The following ARL3 variants were observed in gnomAD, a reference collection of about 807,000 sequenced individuals.
ARL3 encodes the protein ADP-ribosylation factor-like protein 3.
ARL3 carries 9 observed loss-of-function variants against 26.0 expected under a neutral mutation model. The ratio of observed to expected loss-of-function variants is 0.35; its 90% CI spans 0.21 to 0.60. The LOEUF (loss-of-function observed/expected upper bound fraction) is 0.60. Ranked by LOEUF, ARL3 falls within the 20% of genes least tolerant of loss-of-function variation. The pLI is 0.78. For missense variants in ARL3, 158 were observed against 215.7 expected (o/e 0.73, Z 1.67); for synonymous variants, 71 against 78.4 (o/e 0.91, Z 0.50).
At chr10:102,705,562 T>A in intron 1 of ARL3, 73 bp from the exon 2 acceptor site, 1 of 1,375,222 alleles carries the variant, frequency 7.3e-7, no homozygotes, top group Non-Finnish European at 9.6e-7. Context: ...TGAGAATAAC[T>A]TCTCCTTGAA....
chr10:102,711,104 C>T (rs1040174692), intron 1 of ARL3, among the ~76,000 whole-genome samples: 10 of 152,170 alleles, frequency 6.6e-5, no homozygotes, highest in Admixed American at 2.0e-4. Context: ...CGTCTTTCAA[C>T]TGAACTCCTA....
chr10:102,707,572 A>G lies in ARL3; in HGVS notation c.4-2083T>C, dbSNP rs1013492452. Among the ~76,000 whole-genome samples, 33 of 152,224 alleles carry G rather than the reference A, an allele frequency of 2.2e-4. 1 individual carries two copies. Among genetic ancestry groups the G allele is most frequent in the African/African-American group, 8.0e-4 (33 of 41,474 alleles). On this transcript the variant is annotated intron_variant, in intron 1 of 5. Transcript: ENST00000260746. ...TGGTTGTATTTGTTATTCACATTGT[A>G]CCAGGCAATAATTCAAACCAGTTTG...
intron 4 of ARL3, 36 bp downstream of exon 4, chr10:102,689,857 T>A: frequency 7.4e-7 from 1 of 1,353,170 alleles, no homozygotes; most frequent in Non-Finnish European, 1.0e-6. Flanking sequence ...TACATATATA[T>A]ATATAAGAAC....
intron 3 of ARL3, among the ~76,000 whole-genome samples, chr10:102,695,673 A>G (rs1054929113): frequency 2.6e-5 from 4 of 152,078 alleles, no homozygotes; most frequent in African/African-American, 9.7e-5. Flanking sequence ...ATGTGCCGCC[A>G]CGCCCAGCTA....
At chr10:102,704,921 G>C (rs2064300872) in intron 2 of ARL3, among the ~76,000 whole-genome samples, 1 of 151,726 alleles carries the variant, frequency 6.6e-6, no homozygotes, top group South Asian at 2.1e-4. Context: ...GATGAAGTGG[G>C]TACTGTGAAG....
chr10:102,714,253 G>C lies in ARL3; in HGVS notation c.3+20C>G, dbSNP rs749606210. 4.6e-6 allele frequency: 6 copies of C among 1,313,432 alleles called. No individual in the cohort carries two copies. The highest frequency in any genetic ancestry group is 5.9e-6 in the Non-Finnish European group (6 of 1,022,512). The allele number at this position is 1,313,432 out of a possible 1,614,324, so 81.4% of individuals were successfully genotyped here. ...GGGATAACCGGCCGGCTCCAAGGGG[G>C]CCCAGGCCCCCACACTCACCATCCT... On this transcript the variant is annotated intron_variant, in intron 1 of 5. Coordinates refer to ENST00000260746, the MANE Select transcript of ARL3 (RefSeq NM_004311.4).
Position 102,691,051 on chromosome 10 carries a change from C to A in ARL3, c.265-1108G>T, listed in dbSNP as rs1305173927. ...AACCATTTAATTTAATACTCCAAAG[C>A]AAGGGTAGGCAAACTTTTTCTGTAA... On this transcript the variant is annotated intron_variant, in intron 3 of 5. Transcript: ENST00000260746. Among the ~76,000 whole-genome samples, 3 of 152,048 alleles carry A rather than the reference C, an allele frequency of 2.0e-5. No individual in the cohort carries two copies. In the East Asian group the frequency reaches 5.8e-4, roughly 29 times the overall value.
intron 5 of ARL3, among the ~76,000 whole-genome samples, chr10:102,680,138 G>A (rs1043405899): frequency 3.9e-5 from 6 of 152,108 alleles, no homozygotes; most frequent in East Asian, 1.9e-4. Context: ...TAGAGACAGC[G>A]TTTCACCATG....
chr10:102,694,005 T>C (rs1032547205), intron 3 of ARL3, among the ~76,000 whole-genome samples: 54 of 152,104 alleles, frequency 3.6e-4, no homozygotes, highest in African/African-American at 1.2e-3. Flanking sequence ...TTATTTTTTT[T>C]GAGATGGATT....
At chr10:102,708,086 G>A (rs2064319005) in intron 1 of ARL3, among the ~76,000 whole-genome samples, 1 of 151,782 alleles carries the variant, frequency 6.6e-6, no homozygotes, top group Admixed American at 6.6e-5. Context: ...ACTAAGTTTT[G>A]TATTTTTTGT....
At chr10:102,682,939 C>T (rs1412420314) in intron 5 of ARL3, among the ~76,000 whole-genome samples, 1 of 152,146 alleles carries the variant, frequency 6.6e-6, no homozygotes. Flanking sequence ...GAATTTAGGG[C>T]ATTTCAGTAA....
chr10:102,688,449 G>C (rs2135999550), intron 4 of ARL3, among the ~76,000 whole-genome samples: 1 of 151,692 alleles, frequency 6.6e-6, no homozygotes, highest in East Asian at 1.9e-4. Flanking sequence ...GCCACCTGTG[G>C]TCATTTAGGA....
intron 2 of ARL3, among the ~76,000 whole-genome samples, chr10:102,704,114 G>A (rs183239695): frequency 4.6e-4 from 54 of 117,342 alleles, no homozygotes; most frequent in African/African-American, 1.6e-3. Context: ...TTGCACTGCT[G>A]CATTCCAGCC....
In ARL3 at chr10:102,711,625, C is replaced by T. The variant is rs542908935; in HGVS notation, c.3+2648G>A. 2.7e-4 allele frequency among the ~76,000 whole-genome samples: 41 copies of T among 152,086 alleles called. No individual in the cohort carries two copies. In the South Asian group the frequency reaches 7.9e-3, roughly 29 times the overall value. Reference sequence around the variant, plus strand: ...ACACAAAATTAGCCGGGCGTGGTGGCGGGCGCCCATAGTCCCATCTGCTGC... The same window carrying T: ...ACACAAAATTAGCCGGGCGTGGTGGTGGGCGCCCATAGTCCCATCTGCTGC... On this transcript the variant is annotated intron_variant, in intron 1 of 5. Transcript: ENST00000260746.
At chr10:102,701,758 T>C (rs2064280527) in intron 2 of ARL3, among the ~76,000 whole-genome samples, 1 of 152,144 alleles carries the variant, frequency 6.6e-6, no homozygotes, top group Non-Finnish European at 1.5e-5. Flanking sequence ...CTATAAGTCA[T>C]GAGACCCAAC....
intron 1 of ARL3, among the ~76,000 whole-genome samples, chr10:102,705,713 T>A (rs989107012): frequency 6.6e-6 from 1 of 152,314 alleles, no homozygotes; most frequent in East Asian, 1.9e-4. Context: ...TTATTTCTGC[T>A]CCTCCAATCA....
At chr10:102,711,372 ATATATATATG>A (rs1564734826) in intron 1 of ARL3, among the ~76,000 whole-genome samples, 3 of 150,970 alleles carry the variant, frequency 2.0e-5, no homozygotes, top group South Asian at 2.1e-4. Context: ...ATGTATCTGT[ATATATATATG>A]TATATATATG....
chr10:102,696,344 C>A (rs1288771176), intron 3 of ARL3, among the ~76,000 whole-genome samples: 4 of 148,998 alleles, frequency 2.7e-5, no homozygotes, highest in African/African-American at 5.0e-5. Flanking sequence ...TGGCTCACTG[C>A]AACCTGCACC....
chr10:102,703,600 C>T (rs1008992198), intron 2 of ARL3, among the ~76,000 whole-genome samples: 11 of 149,932 alleles, frequency 7.3e-5, no homozygotes, highest in African/African-American at 1.7e-4. Flanking sequence ...CCCACTGCCA[C>T]GCCCAGCCAA....
Sources: gnomAD v4.1 joint callset for allele counts (sites outside exome capture counted in the v4.1 genomes callset) on GRCh38, gnomAD v4.1.1 for gene constraint, MANE v1.5 for transcripts, NCBI Gene and HGNC (gene_info 2026-07-23, HGNC 2026-07-21) for gene names.